The following FSTL5 variants were observed in gnomAD, a reference collection of about 807,000 sequenced individuals.
FSTL5 encodes the protein follistatin-related protein 5.
In FSTL5, 62 loss-of-function variants were observed where a neutral mutation model predicts 89.1. That is an observed-to-expected ratio of 0.70 (90% CI 0.57 to 0.86). The LOEUF (loss-of-function observed/expected upper bound fraction) is 0.86, where lower values mean the gene tolerates loss of function less well. Ranked by LOEUF, FSTL5 falls within the 40% of genes least tolerant of loss-of-function variation. FSTL5 has a pLI of 0.00. For missense variants in FSTL5, 1,057 were observed against 1,001.6 expected (o/e 1.06, Z -0.75); for synonymous variants, 383 against 346.2 (o/e 1.11, Z -1.18).
At chr4:161,598,845 A>G (rs1475957823) in intron 7 of FSTL5, among the ~76,000 whole-genome samples, 1 of 152,166 alleles carries the variant, frequency 6.6e-6, no homozygotes, top group Admixed American at 6.6e-5. Context: ...CAAAGGAAAC[A>G]GTACATATAT....
At chr4:161,729,173 G>A (rs985118260) in intron 6 of FSTL5, among the ~76,000 whole-genome samples, 1 of 152,088 alleles carries the variant, frequency 6.6e-6, no homozygotes, top group Admixed American at 6.5e-5. Context: ...AACCCTTACC[G>A]CCTCCCCTAC....
intron 7 of FSTL5, among the ~76,000 whole-genome samples, chr4:161,591,932 G>A (rs957375574): frequency 6.6e-6 from 1 of 152,210 alleles, no homozygotes; most frequent in African/African-American, 2.4e-5. Flanking sequence ...AAACCAGGTA[G>A]GCTTACTCCA....
At position 162,005,278 on chromosome 4, in the gene FSTL5, G is replaced by A. The variant is rs562099603; in HGVS notation, c.160+28347C>T. Among the ~76,000 whole-genome samples, 56 of 152,080 alleles carry A rather than the reference G, an allele frequency of 3.7e-4. 1 individual carries two copies. In the South Asian group the frequency reaches 0.01, roughly 28 times the overall value. On this transcript the variant is annotated intron_variant, in intron 3 of 15. Transcript: ENST00000306100. Reference sequence around the variant, plus strand: ...TACAAATTTCACTTGGAAGCATTTCGTTCTCTGACTAGATTATGCCCCTAG... The same window carrying A: ...TACAAATTTCACTTGGAAGCATTTCATTCTCTGACTAGATTATGCCCCTAG...
intron 12 of FSTL5, among the ~76,000 whole-genome samples, chr4:161,490,152 T>C (rs1729815551): frequency 6.6e-6 from 1 of 152,136 alleles, no homozygotes; most frequent in Admixed American, 6.6e-5. Flanking sequence ...TATTGTGGAA[T>C]AAATTTCATT....
intron 6 of FSTL5, among the ~76,000 whole-genome samples, chr4:161,671,302 C>G (rs1417379379): frequency 6.6e-6 from 1 of 152,178 alleles, no homozygotes; most frequent in Non-Finnish European, 1.5e-5. Flanking sequence ...AACTATGCCC[C>G]TGGACCAAAT....
intron 7 of FSTL5, among the ~76,000 whole-genome samples, chr4:161,653,898 T>G (rs1306857955): frequency 6.6e-6 from 1 of 152,180 alleles, no homozygotes; most frequent in East Asian, 1.9e-4. Flanking sequence ...GATAGTTCTA[T>G]GTACACTATA....
intron 7 of FSTL5, among the ~76,000 whole-genome samples, chr4:161,641,509 GT>G (rs985255499): frequency 1.4e-5 from 2 of 146,734 alleles, no homozygotes; most frequent in African/African-American, 5.0e-5. Flanking sequence ...GTTTTGTTTT[GT>G]TTTTTTTTTT....
chr4:161,866,836 G>C (rs1732108233), intron 4 of FSTL5, among the ~76,000 whole-genome samples: 2 of 151,566 alleles, frequency 1.3e-5, no homozygotes, highest in South Asian at 4.2e-4. Context: ...AACCCATTTG[G>C]AACTACATAC....
At chr4:161,795,713 T>C (rs1325796463) in intron 4 of FSTL5, among the ~76,000 whole-genome samples, 1 of 152,014 alleles carries the variant, frequency 6.6e-6, no homozygotes, top group Non-Finnish European at 1.5e-5. Flanking sequence ...TTGAAGAGAG[T>C]ATTCTTTCTC....
chr4:161,770,805 A>G (rs1741181713), intron 5 of FSTL5, among the ~76,000 whole-genome samples: 1 of 151,872 alleles, frequency 6.6e-6, no homozygotes, highest in Admixed American at 6.6e-5. Flanking sequence ...GTTCAGTTCA[A>G]TTTAACATTT....
intron 6 of FSTL5, among the ~76,000 whole-genome samples, chr4:161,722,874 G>A (rs957720977): frequency 6.6e-6 from 1 of 151,990 alleles, no homozygotes; most frequent in Non-Finnish European, 1.5e-5. Context: ...GAGACTTCTG[G>A]GCCTTGAATA....
intron 8 of FSTL5, among the ~76,000 whole-genome samples, chr4:161,561,758 C>G (rs1239535432): frequency 6.6e-6 from 1 of 151,936 alleles, no homozygotes; most frequent in African/African-American, 2.4e-5. Context: ...ACTATATTCC[C>G]CAGAATTCTT....
chr4:161,464,838 T>C (rs1733698348), intron 13 of FSTL5, among the ~76,000 whole-genome samples: 1 of 152,156 alleles, frequency 6.6e-6, no homozygotes, highest in South Asian at 2.1e-4. Flanking sequence ...AAATTGAGAT[T>C]ATTATTTTAT....
intron 15 of FSTL5, among the ~76,000 whole-genome samples, chr4:161,415,678 A>AGG (rs1179021769): frequency 6.7e-6 from 1 of 148,896 alleles, no homozygotes; most frequent in African/African-American, 2.5e-5. Flanking sequence ...AGAGAGAGAG[A>AGG]GAAAGAGAGA....
intron 8 of FSTL5, among the ~76,000 whole-genome samples, chr4:161,563,655 C>G (rs1295365231): frequency 1.3e-5 from 2 of 151,888 alleles, no homozygotes; most frequent in Non-Finnish European, 2.9e-5. Flanking sequence ...ATCTAATCAC[C>G]CCGTAGCAGT....
intron 6 of FSTL5, among the ~76,000 whole-genome samples, chr4:161,682,994 C>T (rs915657700): frequency 2.0e-5 from 3 of 152,264 alleles, no homozygotes; most frequent in Admixed American, 2.0e-4. Context: ...ATCCACCCAC[C>T]TCGGCCTCCC....
At chr4:161,684,781 C>G in intron 6 of FSTL5, among the ~76,000 whole-genome samples, 1 of 151,990 alleles carries the variant, frequency 6.6e-6, no homozygotes. Flanking sequence ...TAGGTCCCAG[C>G]AATTATATTT....
chr4:161,915,009 A>G (rs146090626), intron 4 of FSTL5, among the ~76,000 whole-genome samples: 2 of 152,334 alleles, frequency 1.3e-5, no homozygotes, highest in East Asian at 3.9e-4. Context: ...GTGAGATATT[A>G]CAATATTGTA....
At chr4:161,768,879 G>T (rs1048593735) in intron 5 of FSTL5, among the ~76,000 whole-genome samples, 1 of 151,404 alleles carries the variant, frequency 6.6e-6, no homozygotes, top group Non-Finnish European at 1.5e-5. Context: ...GAAAGAAAAT[G>T]ATACAAAAGA....
Sources: allele counts gnomAD v4.1 joint callset (sites outside exome capture counted in the v4.1 genomes callset), GRCh38; gene constraint gnomAD v4.1.1; transcripts MANE v1.5; gene names NCBI Gene and HGNC (gene_info 2026-07-23, HGNC 2026-07-21).